Variants in FAM81A observed in about 807,000 individuals in gnomAD.
The protein encoded by FAM81A is protein FAM81A.
Under a neutral mutation model 46.7 loss-of-function variants are expected in FAM81A, and 19 were observed. The ratio of observed to expected loss-of-function variants is 0.41; its 90% CI spans 0.28 to 0.60. The LOEUF (loss-of-function observed/expected upper bound fraction) is 0.60, where lower values mean the gene tolerates loss of function less well. FAM81A is among the 20% of genes least tolerant of loss of function. The pLI, the probability that FAM81A is intolerant of heterozygous loss-of-function variation, is 0.34. For missense variants in FAM81A, 377 were observed against 453.5 expected (o/e 0.83, Z 1.53); for synonymous variants, 183 against 152.9 (o/e 1.20, Z -1.45).
intron 4 of FAM81A, among the ~76,000 whole-genome samples, chr15:59,493,776 T>C (rs2082005731): frequency 6.6e-6 from 1 of 152,074 alleles, no homozygotes; most frequent in African/African-American, 2.4e-5. Context: ...TTAGTAGAGA[T>C]GAGGTTTTAC....
At chr15:59,485,652 G>T (rs1185723840) in intron 3 of FAM81A, among the ~76,000 whole-genome samples, 1 of 152,148 alleles carries the variant, frequency 6.6e-6, no homozygotes, top group African/African-American at 2.4e-5. Flanking sequence ...GAAAGCCTTC[G>T]CAAGAAGAAT....
chr15:59,448,282 C>A (rs1257902647), intron 1 of FAM81A, among the ~76,000 whole-genome samples: 2 of 152,126 alleles, frequency 1.3e-5, no homozygotes. Context: ...GAGGCTGAGG[C>A]AGGAGAATCA....
At chr15:59,492,227 G>T in intron 3 of FAM81A, 44 bp from the exon 4 acceptor site, 1 of 1,437,108 alleles carries the variant, frequency 7.0e-7, no homozygotes. Context: ...GTGGAAGCAC[G>T]TGAATTCTTA....
upstream of FAM81A, among the ~76,000 whole-genome samples, chr15:59,437,430 T>C (rs377150137): frequency 6.1e-4 from 93 of 151,962 alleles, no homozygotes; most frequent in African/African-American, 2.2e-3. Context: ...TTGTGCGTCC[T>C]GATGAGAATC....
At chr15:59,447,797 G>A (rs918057066) in intron 1 of FAM81A, among the ~76,000 whole-genome samples, 1 of 152,158 alleles carries the variant, frequency 6.6e-6, no homozygotes, top group South Asian at 2.1e-4. Context: ...GTGAAGGGAG[G>A]GGAGGGGAAA....
chr15:59,500,887 ATTG>A (rs2082084186), intron 4 of FAM81A, among the ~76,000 whole-genome samples: 1 of 152,030 alleles, frequency 6.6e-6, no homozygotes, highest in Non-Finnish European at 1.5e-5. Flanking sequence ...TTGAAGAAAC[ATTG>A]TTATTATACA....
rs192202722 is a variant in FAM81A, at chr15:59,523,271, G to A, written c.*1893G>A. The A allele has an allele frequency of 5.9e-5, 9 of 152,394 alleles. No homozygotes were observed. Among genetic ancestry groups the A allele is most frequent in the African/African-American group, 1.9e-4 (8 of 41,574 alleles). The allele number at this position is 152,394 out of a possible 1,614,324, so 9.4% of individuals were successfully genotyped here. On this transcript the variant is annotated 3_prime_UTR_variant, in exon 9 of 9. Transcript: ENST00000288228. Reference sequence around the variant, plus strand: ...AGCCCCTTGAGATGAGCCACCGCAGGTGTGCTCACCTTGGCTACATGTTGA... The same window carrying A: ...AGCCCCTTGAGATGAGCCACCGCAGATGTGCTCACCTTGGCTACATGTTGA...
intron 4 of FAM81A, among the ~76,000 whole-genome samples, chr15:59,498,227 A>G (rs1156512447): frequency 1.3e-5 from 2 of 152,172 alleles, no homozygotes; most frequent in African/African-American, 4.8e-5. Flanking sequence ...TTTCAACACT[A>G]TTTTGGAGTT....
chr15:59,474,078 C>A (rs138984217), intron 3 of FAM81A, among the ~76,000 whole-genome samples: 1 of 152,182 alleles, frequency 6.6e-6, no homozygotes, highest in Non-Finnish European at 1.5e-5. Context: ...TCCTCTCATG[C>A]CCCCAGTTTC....
At chr15:59,418,051 T>A (rs2081154713) in intron 2 of FAM81A, among the ~76,000 whole-genome samples, 1 of 152,238 alleles carries the variant, frequency 6.6e-6, no homozygotes, top group Non-Finnish European at 1.5e-5. Flanking sequence ...GATAGTTTGC[T>A]GAGAATGATG....
At chr15:59,519,596 C>T (rs2082306866) in intron 8 of FAM81A, among the ~76,000 whole-genome samples, 1 of 149,422 alleles carries the variant, frequency 6.7e-6, no homozygotes, top group African/African-American at 2.5e-5. Flanking sequence ...TTCCCTTCCC[C>T]TCCCCTCCCC....
intron 7 of FAM81A, 69 bp from the exon 8 acceptor site, chr15:59,516,576 T>C: frequency 1.4e-6 from 2 of 1,476,932 alleles, no homozygotes; most frequent in Non-Finnish European, 1.8e-6. Context: ...AACGATATTA[T>C]GGCTGATGTG....
chr15:59,451,670 G>C (rs11637961), intron 1 of FAM81A, among the ~76,000 whole-genome samples: 126,654 of 152,018 alleles, frequency 0.83, 53,203 homozygotes, highest in African/African-American at 0.94. Flanking sequence ...TCAGGCTGGT[G>C]TTGAACTCCT....
intron 4 of FAM81A, among the ~76,000 whole-genome samples, chr15:59,505,499 TAG>T (rs2082139680): frequency 1.3e-5 from 2 of 149,952 alleles, no homozygotes; most frequent in South Asian, 4.2e-4. Context: ...GTGACAGAGT[TAG>T]ACTCTGTCTC....
intron 3 of FAM81A, among the ~76,000 whole-genome samples, chr15:59,461,005 T>G (rs1352945093): frequency 1.3e-5 from 2 of 152,270 alleles, no homozygotes; most frequent in Admixed American, 6.5e-5. Flanking sequence ...ATGTATGTAT[T>G]TATTTTAACC....
intron 1 of FAM81A, chr15:59,401,342 A>G (rs2081069179): frequency 1.3e-6 from 1 of 791,812 alleles, no homozygotes; most frequent in Non-Finnish European, 2.3e-6. Context: ...ATTTACCTCC[A>G]TGGCAGTACC....
chr15:59,465,569 G>A (rs1232746223), intron 3 of FAM81A, among the ~76,000 whole-genome samples: 4 of 152,166 alleles, frequency 2.6e-5, no homozygotes, highest in Non-Finnish European at 4.4e-5. Flanking sequence ...CATTGCGCCT[G>A]GCCCTAGTTT....
intron 3 of FAM81A, among the ~76,000 whole-genome samples, chr15:59,484,707 T>C (rs1018419375): frequency 6.6e-6 from 1 of 152,098 alleles, no homozygotes; most frequent in African/African-American, 2.4e-5. Context: ...GTGGTGGCTG[T>C]GAGGAGAGAT....
intron 2 of FAM81A, among the ~76,000 whole-genome samples, chr15:59,412,718 GA>G (rs34110501): frequency 6.9e-6 from 1 of 145,924 alleles, no homozygotes; most frequent in African/African-American, 2.5e-5. Context: ...CCCTGTCACA[GA>G]AAAAAAAAAA....
Sources: gnomAD v4.1 joint callset for allele counts (sites outside exome capture counted in the v4.1 genomes callset) on GRCh38, gnomAD v4.1.1 for gene constraint, MANE v1.5 for transcripts, NCBI Gene and HGNC (gene_info 2026-07-23, HGNC 2026-07-21) for gene names.